NRXN3: variants seen among roughly 807,000 people sequenced by gnomAD.
NRXN3 encodes neurexin III.
Under a neutral mutation model 137.6 loss-of-function variants are expected in NRXN3, and 32 were observed. The observed-to-expected ratio is 0.23, with a 90% CI of 0.18 to 0.31. NRXN3 has a LOEUF of 0.31. NRXN3 is among the 10% of genes least tolerant of loss of function. NRXN3 has a pLI of 1.00. For synonymous variants in NRXN3, 798 were observed against 784.5 expected (o/e 1.02, Z -0.29); for missense variants, 1,574 against 2,062.5 (o/e 0.76, Z 4.59).
intron 15 of NRXN3, among the ~76,000 whole-genome samples, chr14:79,354,752 TG>T (rs1407357685): frequency 6.6e-6 from 1 of 152,246 alleles, no homozygotes; most frequent in Non-Finnish European, 1.5e-5. Flanking sequence ...AGTTCATTTT[TG>T]TTTTCAAATC....
chr14:78,398,162 C>T (rs60110504), intron 4 of NRXN3, among the ~76,000 whole-genome samples: 58,475 of 147,472 alleles, frequency 0.4, 12,654 homozygotes, highest in Admixed American at 0.5. Flanking sequence ...TGCAGTGAGC[C>T]GAGATTGCAC....
chr14:79,308,427 T>G (rs1235579776), intron 15 of NRXN3, among the ~76,000 whole-genome samples: 1 of 152,128 alleles, frequency 6.6e-6, no homozygotes, highest in Admixed American at 6.6e-5. Context: ...CCTGAAGGTC[T>G]TAGAGAGTTA....
intron 2 of NRXN3, among the ~76,000 whole-genome samples, chr14:78,263,740 T>C (rs1291350384): frequency 6.6e-6 from 1 of 152,184 alleles, no homozygotes; most frequent in Non-Finnish European, 1.5e-5. Context: ...GTGGCCATTA[T>C]TTCTGCCACA....
rs530501946 is a variant in NRXN3 at position 78,197,477 on chromosome 14, C to T, written c.-704+26803C>T. Among the ~76,000 whole-genome samples, 8 of 152,348 alleles carry T rather than the reference C, an allele frequency of 5.3e-5. No homozygotes were observed. In the South Asian group the frequency reaches 1.7e-3, roughly 32 times the overall value. On this transcript the variant is annotated intron_variant, in intron 1 of 20. Transcript: ENST00000335750. ...GGTTCTTGGTTATGCCGTGGCTCAA[C>T]CCAGAGAACTCTTAGGCAACCGGCA...
chr14:78,648,453 G>A (rs561535630), intron 5 of NRXN3, among the ~76,000 whole-genome samples: 77 of 152,284 alleles, frequency 5.1e-4, no homozygotes, highest in African/African-American at 1.8e-3. Context: ...AGGAATTGGG[G>A]GAGAGAGATT....
chr14:79,443,655 A>T (rs1027667583), intron 15 of NRXN3, among the ~76,000 whole-genome samples: 7 of 152,222 alleles, frequency 4.6e-5, no homozygotes, highest in Non-Finnish European at 8.8e-5. Context: ...AGCATTTAAG[A>T]TTATTTAATA....
intron 16 of NRXN3, among the ~76,000 whole-genome samples, chr14:79,484,262 C>G (rs992925412): frequency 6.6e-6 from 1 of 152,120 alleles, no homozygotes; most frequent in East Asian, 1.9e-4. Flanking sequence ...TGGTGATTTG[C>G]ATACAGAAGT....
chr14:79,215,681 A>C (rs961400802), intron 15 of NRXN3, among the ~76,000 whole-genome samples: 1 of 152,164 alleles, frequency 6.6e-6, no homozygotes, highest in Non-Finnish European at 1.5e-5. Context: ...GTTATCTCCC[A>C]CTGAGTCCCT....
intron 10 of NRXN3, among the ~76,000 whole-genome samples, chr14:78,891,162 G>T (rs1186559658): frequency 2.6e-5 from 4 of 151,868 alleles, no homozygotes; most frequent in Non-Finnish European, 5.9e-5. Context: ...TGCCACGTCT[G>T]TCCAATATTG....
intron 10 of NRXN3, among the ~76,000 whole-genome samples, chr14:78,946,101 G>C (rs547675111): frequency 6.6e-6 from 1 of 152,284 alleles, no homozygotes; most frequent in South Asian, 2.1e-4. Context: ...CAACTTTATG[G>C]GATTGACGTG....
At chr14:79,671,191 A>G (rs928986050) in intron 17 of NRXN3, among the ~76,000 whole-genome samples, 2 of 152,132 alleles carry the variant, frequency 1.3e-5, no homozygotes, top group Non-Finnish European at 2.9e-5. Context: ...GGAACAGTCT[A>G]TGGGAGTGTA....
chr14:78,309,401 A>G (rs2077719518), intron 4 of NRXN3, among the ~76,000 whole-genome samples: 1 of 151,896 alleles, frequency 6.6e-6, no homozygotes, highest in Non-Finnish European at 1.5e-5. Context: ...CACCCAGGTA[A>G]TAAGCATTGT....
chr14:79,041,879 G>A (rs1434486831), intron 15 of NRXN3, among the ~76,000 whole-genome samples: 1 of 152,132 alleles, frequency 6.6e-6, no homozygotes, highest in African/African-American at 2.4e-5. Flanking sequence ...ATCATGAATT[G>A]TGGTATCACT....
chr14:79,235,268 A>C lies in NRXN3; in HGVS notation c.3263-231953A>C, dbSNP rs181796583. On this transcript the variant is annotated intron_variant, in intron 15 of 20. Coordinates refer to ENST00000335750, the MANE Select transcript of NRXN3 (RefSeq NM_001330195.2). ...GTAACATAAAAACTATGTGACAGTCAAGTATGATAAAAGGAAAATACTGGT... is the reference window on the plus strand; with the variant it reads ...GTAACATAAAAACTATGTGACAGTCCAGTATGATAAAAGGAAAATACTGGT... 2.5e-4 allele frequency among the ~76,000 whole-genome samples: 38 copies of C among 152,280 alleles called. No individual in the cohort carries two copies. In the East Asian group the frequency reaches 7.3e-3, roughly 29 times the overall value.
intron 10 of NRXN3, among the ~76,000 whole-genome samples, chr14:78,956,569 T>G (rs1473717835): frequency 1.3e-5 from 2 of 152,172 alleles, no homozygotes; most frequent in Admixed American, 6.5e-5. Context: ...ATCATTTCAG[T>G]TTTTAGGTAT....
In NRXN3 at chr14:79,452,470, C is replaced by T. The variant is rs116515878; in HGVS notation, c.3263-14751C>T. On this transcript the variant is annotated intron_variant, in intron 15 of 20. Coordinates refer to ENST00000335750, the MANE Select transcript of NRXN3 (RefSeq NM_001330195.2). ...TATCATATTAGAACTAAGATGAGGG[C>T]CCGGAAAATGAGTTTTTATAGACTC... Among the ~76,000 whole-genome samples, 991 of 152,110 alleles carry T rather than the reference C, an allele frequency of 6.5e-3. 12 individuals carry two copies. Among genetic ancestry groups the T allele is most frequent in the African/African-American group, 0.023 (953 of 41,482 alleles).
At chr14:78,199,733 G>A (rs2061514778) in intron 1 of NRXN3, among the ~76,000 whole-genome samples, 1 of 152,204 alleles carries the variant, frequency 6.6e-6, no homozygotes, top group African/African-American at 2.4e-5. Flanking sequence ...CTGTGCCCCA[G>A]TGAACAAACC....
chr14:78,489,398 G>A (rs2095623047), intron 4 of NRXN3, among the ~76,000 whole-genome samples: 1 of 152,108 alleles, frequency 6.6e-6, no homozygotes, highest in Non-Finnish European at 1.5e-5. Flanking sequence ...CTGAGACAGG[G>A]ACAGACTGGC....
At chr14:79,317,983 T>A (rs565273900) in intron 15 of NRXN3, among the ~76,000 whole-genome samples, 15 of 152,290 alleles carry the variant, frequency 9.8e-5, no homozygotes, top group African/African-American at 3.6e-4. Context: ...ATGTTTCAGA[T>A]AAAAATCTCT....
Sources: allele counts gnomAD v4.1 joint callset (sites outside exome capture counted in the v4.1 genomes callset), GRCh38; gene constraint gnomAD v4.1.1; transcripts MANE v1.5; gene names NCBI Gene and HGNC (gene_info 2026-07-23, HGNC 2026-07-21).